FYB1: variants seen among roughly 807,000 people sequenced by gnomAD.
FYB1 encodes the protein FYN-binding protein 1.
A neutral mutation model predicts 94.1 loss-of-function variants in FYB1; 41 were observed. The observed-to-expected ratio is 0.44, with a 90% CI of 0.34 to 0.57. The LOEUF (loss-of-function observed/expected upper bound fraction) is 0.57. Among genes scored for constraint, FYB1 ranks in the 20% least tolerant of loss-of-function variants. FYB1 has a pLI of 0.02. For synonymous variants in FYB1, 367 were observed against 353.2 expected (o/e 1.04, Z -0.44); for missense variants, 1,050 against 976.8 (o/e 1.07, Z -1.00).
chr5:39,140,854 T>C lies in FYB1; in HGVS notation c.1339+241A>G, dbSNP rs140798804. On this transcript the variant is annotated intron_variant, in intron 4 of 18. Transcript: ENST00000512982. ...AAATACATGCATACATGTCACAATA[T>C]GTGAAGAATTTGTGCAAACACACAT... Among the ~76,000 whole-genome samples the C allele has an allele frequency of 9.5e-4, 144 of 152,310 alleles. 1 individual carries two copies. The East Asian group carries it at 0.026, about 28-fold the overall frequency.
intron 1 of FYB1, among the ~76,000 whole-genome samples, chr5:39,210,885 GT>G (rs985556579): frequency 4.6e-5 from 7 of 152,248 alleles, no homozygotes; most frequent in African/African-American, 1.7e-4. Context: ...GAGTTTCTAT[GT>G]GTTTCTGAGG....
chr5:39,262,357 A>T (rs155449), intron 1 of FYB1, among the ~76,000 whole-genome samples: 1 of 152,016 alleles, frequency 6.6e-6, no homozygotes, highest in Non-Finnish European at 1.5e-5. Flanking sequence ...TTTACAGAAG[A>T]GTTTATTGGA....
intron 2 of FYB1, among the ~76,000 whole-genome samples, chr5:39,153,972 G>T (rs75529380): frequency 1.4e-4 from 22 of 152,102 alleles, no homozygotes; most frequent in African/African-American, 5.1e-4. Flanking sequence ...TTTTTGTAGA[G>T]ATGAAGTCTT....
At chr5:39,270,867 T>C (rs1752644777) in intron 1 of FYB1, 1 of 373,120 alleles carries the variant, frequency 2.7e-6, no homozygotes, top group Admixed American at 4.2e-5. Context: ...AGTACCTAGA[T>C]ATTAAATTTT....
intron 1 of FYB1, among the ~76,000 whole-genome samples, chr5:39,226,456 TTAC>T (rs1750477117): frequency 6.6e-6 from 1 of 152,188 alleles, no homozygotes; most frequent in African/African-American, 2.4e-5. Flanking sequence ...TCATCAGAGC[TTAC>T]TACCTCTTCA....
intron 1 of FYB1, chr5:39,211,196 A>C (rs926959626): frequency 6.6e-6 from 1 of 152,130 alleles, no homozygotes; most frequent in African/African-American, 2.4e-5. Flanking sequence ...TTAGTGGCTT[A>C]TTTGGTTCTT....
chr5:39,147,325 A>G (rs1742748178), intron 3 of FYB1, among the ~76,000 whole-genome samples: 1 of 151,256 alleles, frequency 6.6e-6, no homozygotes, highest in Non-Finnish European at 1.5e-5. Flanking sequence ...GCTGGAGTGT[A>G]GTGGAGAGAT....
In FYB1 at chr5:39,119,582, G is replaced by T. The variant is rs866013407; in HGVS notation, c.2191C>A (p.Leu731Ile). The T allele has an allele frequency of 1.9e-6, 3 of 1,548,090 alleles. No homozygotes were observed. The highest frequency in any genetic ancestry group is 4.0e-5 in the Admixed American group (2 of 49,844). Residue 731 changes from leucine (L) to isoleucine (I), a missense_variant, in exon 15 of 19, where the codon CTA (leucine) becomes ATA (isoleucine). Leu to Ile is a conservative substitution (Grantham distance 5). Transcript: ENST00000512982. ...AKTEEKDLKK[L>I]KKQEKEEKDF... ...TTTTCTTCTTTTTCCTGCTTTTTTA[G>T]CTTCTTAAGGTCCTTTTCTTCTGTC...
At chr5:39,197,560 C>T (rs947152536) in intron 2 of FYB1, among the ~76,000 whole-genome samples, 4 of 152,206 alleles carry the variant, frequency 2.6e-5, no homozygotes, top group African/African-American at 9.7e-5. Context: ...ATCCATTGGC[C>T]ACATTTATTT....
chr5:39,160,426 A>G (rs892412394), intron 2 of FYB1, among the ~76,000 whole-genome samples: 2 of 152,250 alleles, frequency 1.3e-5, no homozygotes, highest in African/African-American at 4.8e-5. Flanking sequence ...ATCTTAGAAT[A>G]GTCTAAGAAT....
chr5:39,213,097 C>T (rs1007219610), intron 1 of FYB1: 2 of 151,946 alleles, frequency 1.3e-5, no homozygotes, highest in Non-Finnish European at 1.5e-5. Flanking sequence ...AGTTTATACC[C>T]ATTCCTAATT....
At chr5:39,176,032 C>T (rs1345371446) in intron 2 of FYB1, among the ~76,000 whole-genome samples, 1 of 151,880 alleles carries the variant, frequency 6.6e-6, no homozygotes, top group African/African-American at 2.4e-5. Flanking sequence ...GATCAGCTCT[C>T]CTCAAATACA....
At chr5:39,110,463 C>A in intron 16 of FYB1, 74 bp from the exon 17 acceptor site, 1 of 946,748 alleles carries the variant, frequency 1.1e-6, no homozygotes. Context: ...TTCAGGAAAT[C>A]AAAACACAAG....
rs1387054266 is a variant in FYB1 at position 39,202,269 on chromosome 5, A to T, written c.692T>A (p.Val231Asp). The T allele has an allele frequency of 1.2e-5, 19 of 1,612,124 alleles. No individual in the cohort carries two copies. Among genetic ancestry groups the T allele is most frequent in the Non-Finnish European group, 1.6e-5 (19 of 1,179,562 alleles). ...TTTTAAAGGGCCGCTTTTGGACCTGACTCCCAGGGGAGCTGGGGACCCTTT... is the reference window on the plus strand; with the variant it reads ...TTTTAAAGGGCCGCTTTTGGACCTGTCTCCCAGGGGAGCTGGGGACCCTTT... ...SSKGSPAPLG[V>D]RSKSGPLKPA... Residue 231 changes from valine to aspartate, a missense_variant, in exon 2 of 19, where the codon GTC becomes GAC. By Grantham distance (152) the Val-to-Asp change is radical. Coordinates refer to ENST00000512982, the MANE Select transcript of FYB1 (RefSeq NM_001465.6).
chr5:39,194,566 A>AGAAGGAAG (rs1328765761), intron 2 of FYB1, among the ~76,000 whole-genome samples: 8 of 151,668 alleles, frequency 5.3e-5, no homozygotes, highest in Non-Finnish European at 1.5e-5. Flanking sequence ...AAGGAAGGAA[A>AGAAGGAAG]GAAGGAAGGA....
intron 2 of FYB1, among the ~76,000 whole-genome samples, chr5:39,188,445 C>T (rs1747039875): frequency 6.6e-6 from 1 of 152,046 alleles, no homozygotes; most frequent in South Asian, 2.1e-4. Context: ...CCCTTCATCT[C>T]CCCACCAACC....
intron 2 of FYB1, among the ~76,000 whole-genome samples, chr5:39,186,117 A>G (rs567416799): frequency 1.3e-5 from 2 of 152,300 alleles, no homozygotes; most frequent in South Asian, 4.1e-4. Context: ...ATTGAATTCA[A>G]GCTCCACTAA....
chr5:39,270,269 G>T (rs1278145615), intron 1 of FYB1, among the ~76,000 whole-genome samples: 1 of 152,098 alleles, frequency 6.6e-6, no homozygotes, highest in Non-Finnish European at 1.5e-5. Flanking sequence ...AATTACTGGG[G>T]CTGGCACCAA....
intron 2 of FYB1, among the ~76,000 whole-genome samples, chr5:39,178,613 G>A (rs1037678601): frequency 1.3e-5 from 2 of 152,150 alleles, no homozygotes; most frequent in Non-Finnish European, 2.9e-5. Context: ...CGAAAATAAA[G>A]TTACTGGTAA....
Sources: allele counts gnomAD v4.1 joint callset (sites outside exome capture counted in the v4.1 genomes callset), GRCh38; gene constraint gnomAD v4.1.1; transcripts MANE v1.5; gene names NCBI Gene and HGNC (gene_info 2026-07-23, HGNC 2026-07-21).